Variants in PRKN observed in about 807,000 individuals in gnomAD.
PRKN encodes E3 ubiquitin-protein ligase parkin.
In PRKN, 56 loss-of-function variants were observed where a neutral mutation model predicts 59.5. The observed-to-expected ratio is 0.94, with a 90% CI of 0.76 to 1.18. The LOEUF (loss-of-function observed/expected upper bound fraction) is 1.18. Ranked by LOEUF, PRKN falls within the 50% of genes most tolerant of loss-of-function variation. The probability of loss-of-function intolerance (pLI) is 0.00; values close to 1 mark genes in which losing one functional copy is unlikely to be tolerated. For missense variants in PRKN, 657 were observed against 596.4 expected (o/e 1.10, Z -1.06); for synonymous variants, 250 against 222.1 (o/e 1.13, Z -1.12).
rs906722127 is a variant in PRKN at position 161,475,682 on chromosome 6, C to T, written c.1083+73172G>A. ...TAGAGACAGGGTTTTGCCATGTTGCCGAGGCTGGTCTTGAACTCCTGAGCT... is the reference window on the plus strand; with the variant it reads ...TAGAGACAGGGTTTTGCCATGTTGCTGAGGCTGGTCTTGAACTCCTGAGCT... On this transcript the variant is annotated intron_variant, in intron 9 of 11. Transcript: ENST00000366898. The surrounding 1 kb of genome is among the most constrained non-coding windows in gnomAD (Gnocchi z 5.3). Among the ~76,000 whole-genome samples the T allele has an allele frequency of 6.6e-5, 10 of 151,982 alleles. 1 individual carries two copies. Among genetic ancestry groups the T allele is most frequent in the African/African-American group, 1.7e-4 (7 of 41,448 alleles).
chr6:162,552,687 G>T (rs544301581), intron 1 of PRKN, among the ~76,000 whole-genome samples: 3 of 152,072 alleles, frequency 2.0e-5, no homozygotes, highest in African/African-American at 7.2e-5. Context: ...CGGGAGTGCT[G>T]AGAGGAGAGC....
chr6:162,195,867 C>T (rs1357508855), intron 4 of PRKN, among the ~76,000 whole-genome samples: 2 of 152,150 alleles, frequency 1.3e-5, no homozygotes, highest in Non-Finnish European at 2.9e-5. Context: ...GAACTAGAGT[C>T]CTGGAGAATT....
At position 162,222,846 on chromosome 6, in the gene PRKN, T is replaced by A. The variant is rs188280067; in HGVS notation, c.413-21594A>T. Among the ~76,000 whole-genome samples, 188 of 152,272 alleles carry A rather than the reference T, an allele frequency of 1.2e-3. 2 individuals are homozygous for A. The highest frequency in any genetic ancestry group is 3.2e-3 in the African/African-American group (133 of 41,566). On this transcript the variant is annotated intron_variant, in intron 3 of 11. Transcript: ENST00000366898. ...ACCTCACTGTTAGTTTTCTTTTTTT[T>A]AATTTTATTTTATTATTATTATACT... is the stretch of plus-strand genomic sequence containing the variant.
At position 161,484,510 on chromosome 6, in the gene PRKN, G is replaced by A. The variant is rs370747292; in HGVS notation, c.1083+64344C>T. On this transcript the variant is annotated intron_variant, in intron 9 of 11. Transcript: ENST00000366898. The surrounding 1 kb of genome is among the most constrained non-coding windows in gnomAD (Gnocchi z 4.9). ...ACAACCATCTTTGCCCTGTGAAATA[G>A]GACATGGGATTCACTCTTTTTAAAG... Among the ~76,000 whole-genome samples, 1 of 152,150 alleles carries A rather than the reference G, an allele frequency of 6.6e-6. No individual in the cohort carries two copies. The highest frequency in any genetic ancestry group is 1.5e-5 in the Non-Finnish European group (1 of 68,038).
chr6:161,614,534 A>G (rs1229041086), intron 7 of PRKN, among the ~76,000 whole-genome samples: 1 of 152,226 alleles, frequency 6.6e-6, no homozygotes, highest in Non-Finnish European at 1.5e-5. Context: ...TTAGAAGTGC[A>G]CCACCGGACT....
At chr6:161,953,969 G>A (rs551298025) in intron 6 of PRKN, among the ~76,000 whole-genome samples, 3 of 152,238 alleles carry the variant, frequency 2.0e-5, no homozygotes, top group Admixed American at 2.0e-4. Context: ...TACATTCCAA[G>A]CCTCTTCCCA....
chr6:162,507,845 A>G (rs980158044), intron 1 of PRKN, among the ~76,000 whole-genome samples: 18 of 152,232 alleles, frequency 1.2e-4, no homozygotes, highest in African/African-American at 3.9e-4. Context: ...GTAGGGGCTC[A>G]GTCAATACTG....
At chr6:161,754,628 A>G (rs538833943) in intron 7 of PRKN, among the ~76,000 whole-genome samples, 66 of 152,272 alleles carry the variant, frequency 4.3e-4, no homozygotes, top group Non-Finnish European at 8.5e-4. Flanking sequence ...GTCAGGTCAC[A>G]GGCCCTGCAG....
At chr6:161,956,638 T>C (rs1419447085) in intron 6 of PRKN, among the ~76,000 whole-genome samples, 1 of 152,148 alleles carries the variant, frequency 6.6e-6, no homozygotes, top group Non-Finnish European at 1.5e-5. Context: ...GTTCTGAAAT[T>C]TATTCTTTAA....
At chr6:162,713,438 G>A (rs914423790) in intron 1 of PRKN, among the ~76,000 whole-genome samples, 3 of 140,590 alleles carry the variant, frequency 2.1e-5, no homozygotes, top group Non-Finnish European at 4.5e-5. Context: ...AGCTTGCAAT[G>A]AGCCAAGATC....
intron 9 of PRKN, among the ~76,000 whole-genome samples, chr6:161,476,942 G>T (rs764342317): frequency 6.6e-6 from 1 of 152,234 alleles, no homozygotes; most frequent in Non-Finnish European, 1.5e-5. Context: ...AGGTGAAATG[G>T]CTTGGACACA....
intron 1 of PRKN, among the ~76,000 whole-genome samples, chr6:162,498,444 T>C (rs9356027): frequency 1.4e-4 from 16 of 112,976 alleles, no homozygotes; most frequent in South Asian, 9.9e-4. Context: ...TTTTTCTTTT[T>C]TTTTTTTTTT....
intron 2 of PRKN, among the ~76,000 whole-genome samples, chr6:162,326,629 G>C (rs1268706238): frequency 6.6e-6 from 1 of 152,224 alleles, no homozygotes; most frequent in South Asian, 2.1e-4. Flanking sequence ...TGAGGCAGAA[G>C]AGATTCATAA....
In PRKN at chr6:161,400,706, T is replaced by C. The variant is rs183667886; in HGVS notation, c.1084-13829A>G. ...TTATTTTCAGCCTTTGGACGACCCA[T>C]ATGAGTTTCACTTCACACTGTGTTG... On this transcript the variant is annotated intron_variant, in intron 9 of 11. Coordinates refer to ENST00000366898, the MANE Select transcript of PRKN (RefSeq NM_004562.3). The surrounding 1 kb of genome is among the most constrained non-coding windows in gnomAD (Gnocchi z 4.2). 3.9e-5 allele frequency among the ~76,000 whole-genome samples: 6 copies of C among 152,130 alleles called. No individual in the cohort carries two copies. The highest frequency in any genetic ancestry group is 3.3e-4 in the Admixed American group (5 of 15,268).
At chr6:162,284,215 CTTTTTTTTTTTTTT>C (rs35609309) in intron 2 of PRKN, among the ~76,000 whole-genome samples, 79 of 75,674 alleles carry the variant, frequency 1.0e-3, no homozygotes, top group Admixed American at 9.7e-3. Context: ...TTATTTCTTT[CTTTTTTTTTTTTTT>C]TTTTTTTTTT....
chr6:162,556,342 G>GGGGGGTGTGTGTGTGT lies in PRKN; in HGVS notation c.8-112870_8-112869insACACACACACACCCCC, dbSNP rs1175202893. ...GAAACCAAGCAGTAACTACTCAGCTGGTGTGTGTGTGTGTGTGTGTGTGTG... is the reference window on the plus strand; with the variant it reads ...GAAACCAAGCAGTAACTACTCAGCTGGGGGGTGTGTGTGTGTGTGTGTGTGTGTGTGTGTGTGTGTG... On this transcript the variant is annotated intron_variant, in intron 1 of 11. Coordinates refer to ENST00000366898, the MANE Select transcript of PRKN (RefSeq NM_004562.3). 1.6e-4 allele frequency among the ~76,000 whole-genome samples: 9 copies of GGGGGGTGTGTGTGTGT among 57,298 alleles called. 1 individual carries two copies. The highest frequency in any genetic ancestry group is 3.9e-4 in the Admixed American group (2 of 5,176). The allele number at this position is 57,298 out of a possible 152,430, so 37.6% of individuals were successfully genotyped here.
rs559724312 is a variant in PRKN at position 161,554,201 on chromosome 6, T to C, written c.934-5198A>G. 6.6e-6 allele frequency among the ~76,000 whole-genome samples: 1 copy of C among 152,310 alleles called. No homozygotes were observed. Among genetic ancestry groups the C allele is most frequent in the Non-Finnish European group, 1.5e-5 (1 of 68,030 alleles). On this transcript the variant is annotated intron_variant, in intron 8 of 11. Transcript: ENST00000366898. This position sits in a 1 kb window ranked among gnomAD's most constrained non-coding sequence, Gnocchi z 4.5. Reference sequence around the variant, plus strand: ...CAATATTCCATAATTGCTCATTTGCTTTTTCTCACATTACACAATTTCAGA... The same window carrying C: ...CAATATTCCATAATTGCTCATTTGCCTTTTCTCACATTACACAATTTCAGA...
chr6:161,416,896 G>A (rs551913065), intron 9 of PRKN, among the ~76,000 whole-genome samples: 1 of 152,176 alleles, frequency 6.6e-6, no homozygotes, highest in Non-Finnish European at 1.5e-5. Context: ...ACCCAGGAGA[G>A]AGGTCAGAAT....
chr6:161,780,792 C>CATTTATATTTAGCAAGACATTGTTTAT (rs1441378814), intron 7 of PRKN, among the ~76,000 whole-genome samples: 2 of 152,026 alleles, frequency 1.3e-5, no homozygotes, highest in African/African-American at 2.4e-5. Context: ...CATTTAAAAA[C>CATTTATATTTAGCAAGACATTGTTTAT]TAAGCAAGTA....
Sources: allele counts gnomAD v4.1 joint callset (sites outside exome capture counted in the v4.1 genomes callset), GRCh38; gene constraint gnomAD v4.1.1; non-coding constraint Gnocchi (gnomAD v3.1); transcripts MANE v1.5; gene names NCBI Gene and HGNC (gene_info 2026-07-23, HGNC 2026-07-21).